The following CEP112 variants were observed in gnomAD, a reference collection of about 807,000 sequenced individuals.
CEP112 encodes centrosomal protein of 112 kDa.
CEP112 carries 127 observed loss-of-function variants against 153.0 expected under a neutral mutation model. The ratio of observed to expected loss-of-function variants is 0.83; its 90% CI spans 0.72 to 0.96. The LOEUF (loss-of-function observed/expected upper bound fraction) is 0.96. CEP112 is among the 40% of genes least tolerant of loss of function. CEP112 has a pLI of 0.00. For missense variants in CEP112, 1,089 were observed against 1,101.2 expected, an observed-to-expected ratio of 0.99 and a Z score of 0.16; for synonymous variants, 358 against 374.4, an observed-to-expected ratio of 0.96 and a Z score of 0.51.
chr17:65,946,938 C>T (rs1446849729), intron 18 of CEP112, among the ~76,000 whole-genome samples: 2 of 151,994 alleles, frequency 1.3e-5, no homozygotes, highest in East Asian at 3.9e-4. Flanking sequence ...GTAAGTGATG[C>T]TTTTTGATAT....
intron 25 of CEP112, among the ~76,000 whole-genome samples, chr17:65,637,729 C>T (rs563371782): frequency 6.6e-6 from 1 of 152,324 alleles, no homozygotes; most frequent in South Asian, 2.1e-4. Context: ...TATTTGTTTT[C>T]ATATCTCTTC....
intron 20 of CEP112, among the ~76,000 whole-genome samples, chr17:65,854,056 T>C (rs1001898957): frequency 6.6e-6 from 1 of 152,198 alleles, no homozygotes; most frequent in African/African-American, 2.4e-5. Context: ...TGTCACTTAC[T>C]TACTGCCACT....
intron 8 of CEP112, among the ~76,000 whole-genome samples, chr17:66,089,408 G>C (rs1197587624): frequency 1.3e-5 from 2 of 152,134 alleles, no homozygotes; most frequent in Admixed American, 6.5e-5. Flanking sequence ...GAAGCTTAGT[G>C]AGCTTCAAGA....
chr17:65,826,356 T>C, intron 21 of CEP112: 1 of 1,598,374 alleles, frequency 6.3e-7, no homozygotes, highest in Non-Finnish European at 8.5e-7. Context: ...CAGTGCAGGC[T>C]GTAGGGCAGG....
chr17:66,018,067 T>C (rs1259762246), intron 16 of CEP112, among the ~76,000 whole-genome samples: 1 of 152,108 alleles, frequency 6.6e-6, no homozygotes, highest in East Asian at 1.9e-4. Flanking sequence ...TAGAAAGAGA[T>C]AATGCTATTT....
At chr17:66,110,225 G>A (rs1387709185) in intron 6 of CEP112, among the ~76,000 whole-genome samples, 7 of 151,790 alleles carry the variant, frequency 4.6e-5, no homozygotes, top group East Asian at 1.9e-4. Context: ...CCAGCTACTC[G>A]GGAGGCTAAG....
chr17:65,849,431 T>TTA (rs2057846126), intron 21 of CEP112, among the ~76,000 whole-genome samples: 1 of 152,220 alleles, frequency 6.6e-6, no homozygotes, highest in Admixed American at 6.5e-5. Context: ...CCCCTGTTTT[T>TTA]TATATACCCA....
chr17:65,902,788 T>C (rs889375813), intron 19 of CEP112, among the ~76,000 whole-genome samples: 1 of 152,104 alleles, frequency 6.6e-6, no homozygotes, highest in Non-Finnish European at 1.5e-5. Flanking sequence ...GTATATACAG[T>C]TGTCTTTTAA....
chr17:65,869,930 G>C (rs1175942765), intron 20 of CEP112, among the ~76,000 whole-genome samples: 1 of 151,304 alleles, frequency 6.6e-6, no homozygotes, highest in East Asian at 1.9e-4. Flanking sequence ...TTAATACCCA[G>C]GTTTGGAGCA....
At chr17:65,986,519 C>A (rs1165620001) in intron 17 of CEP112, among the ~76,000 whole-genome samples, 1 of 152,096 alleles carries the variant, frequency 6.6e-6, no homozygotes, top group African/African-American at 2.4e-5. Context: ...TCATTCAGAG[C>A]CAGCAACTCC....
At chr17:65,885,169 G>A (rs887210700) in intron 20 of CEP112, among the ~76,000 whole-genome samples, 4 of 152,140 alleles carry the variant, frequency 2.6e-5, no homozygotes, top group African/African-American at 9.7e-5. Flanking sequence ...TAATATAAAA[G>A]CAGGTGCAGA....
intron 20 of CEP112, among the ~76,000 whole-genome samples, chr17:65,864,655 T>C (rs2058422463): frequency 6.6e-6 from 1 of 152,136 alleles, no homozygotes; most frequent in African/African-American, 2.4e-5. Flanking sequence ...CTTATGTAAA[T>C]TATGAGTGAG....
At chr17:66,017,714 G>C (rs12946621) in intron 16 of CEP112, among the ~76,000 whole-genome samples, 62,441 of 151,888 alleles carry the variant, frequency 0.41, 14,304 homozygotes, top group East Asian at 0.87. Flanking sequence ...AAAAATCCTT[G>C]TTTGTGCTGG....
At chr17:65,704,467 C>T (rs956802627) in intron 23 of CEP112, among the ~76,000 whole-genome samples, 2 of 150,522 alleles carry the variant, frequency 1.3e-5, no homozygotes, top group Non-Finnish European at 2.9e-5. Flanking sequence ...ACATTTCTTT[C>T]AACTACCCAG....
Position 65,772,575 on chromosome 17 carries a change from TACACACACACACACACACAC to T in CEP112, c.2395-21871_2395-21852del, listed in dbSNP as rs34758953. ...AAAACTCAAAGACCCCTCTATTTAT[TACACACACACACACACACAC>T]ACACACACACACACACACACACAGA... On this transcript the variant is annotated intron_variant, in intron 21 of 26. Transcript: ENST00000535342. Among the ~76,000 whole-genome samples, 19 of 133,500 alleles carry T rather than the reference TACACACACACACACACACAC, an allele frequency of 1.4e-4. No homozygotes were observed. In the South Asian group the frequency reaches 1.5e-3, roughly 11 times the overall value. The allele number at this position is 133,500 out of a possible 152,430, so 87.6% of individuals were successfully genotyped here.
chr17:65,706,876 T>C (rs1437716916), intron 23 of CEP112, among the ~76,000 whole-genome samples: 1 of 152,218 alleles, frequency 6.6e-6, no homozygotes, highest in Non-Finnish European at 1.5e-5. Flanking sequence ...TTCCGCATCA[T>C]CTTCAAGTTT....
At chr17:66,137,506 A>C (rs891862537) in intron 4 of CEP112, among the ~76,000 whole-genome samples, 1 of 152,154 alleles carries the variant, frequency 6.6e-6, no homozygotes, top group Non-Finnish European at 1.5e-5. Flanking sequence ...AGAGATCTAC[A>C]CCAGGACACA....
At chr17:65,804,701 A>G (rs546407823) in intron 21 of CEP112, among the ~76,000 whole-genome samples, 1 of 152,310 alleles carries the variant, frequency 6.6e-6, no homozygotes, top group South Asian at 2.1e-4. Flanking sequence ...TTTTGAGAAT[A>G]AAAGTAATGT....
At chr17:66,105,137 G>T (rs2068729463) in intron 6 of CEP112, among the ~76,000 whole-genome samples, 1 of 152,150 alleles carries the variant, frequency 6.6e-6, no homozygotes, top group South Asian at 2.1e-4. Flanking sequence ...GTTAAAAAGT[G>T]GGGGGATGAA....
Sources: allele counts gnomAD v4.1 joint callset (sites outside exome capture counted in the v4.1 genomes callset), GRCh38; gene constraint gnomAD v4.1.1; transcripts MANE v1.5; gene names NCBI Gene and HGNC (gene_info 2026-07-23, HGNC 2026-07-21).